The following FBXO4 variants were observed in gnomAD, a reference collection of about 807,000 sequenced individuals.
FBXO4 encodes the protein F-box only protein 4.
Under a neutral mutation model 43.7 loss-of-function variants are expected in FBXO4, and 36 were observed. That is an observed-to-expected ratio of 0.82 (90% confidence interval 0.63 to 1.09). The LOEUF (loss-of-function observed/expected upper bound fraction) is 1.09. Ranked by LOEUF, FBXO4 falls within the 50% of genes least tolerant of loss-of-function variation. The pLI is 0.00. For synonymous variants in FBXO4, 180 were observed against 165.6 expected, an observed-to-expected ratio of 1.09 and a Z score of -0.67; for missense variants, 435 against 474.1, an observed-to-expected ratio of 0.92 and a Z score of 0.77.
At chr5:41,976,474 T>C in the FBXO4 span, among the ~76,000 whole-genome samples, 1 of 152,128 alleles carries the variant, frequency 6.6e-6, no homozygotes, top group East Asian at 1.9e-4. Flanking sequence ...ACATTTCCAT[T>C]CCAAAAGGGA....
the FBXO4 span, among the ~76,000 whole-genome samples, chr5:41,990,689 G>A: frequency 6.6e-6 from 1 of 152,192 alleles, no homozygotes; most frequent in Admixed American, 6.5e-5. Context: ...TCTAAGTTGG[G>A]AAATAACATT....
At chr5:41,983,835 A>T in the FBXO4 span, among the ~76,000 whole-genome samples, 1 of 151,880 alleles carries the variant, frequency 6.6e-6, no homozygotes, top group African/African-American at 2.4e-5. Context: ...CTATTTTAAA[A>T]TTTTACTAGT....
chr5:41,954,220 A>C, the FBXO4 span, among the ~76,000 whole-genome samples: 2 of 152,182 alleles, frequency 1.3e-5, no homozygotes, highest in Non-Finnish European at 2.9e-5. Context: ...CATTTGAATA[A>C]AAAAATTTAA....
the FBXO4 span, among the ~76,000 whole-genome samples, chr5:41,954,907 T>C: frequency 6.6e-6 from 1 of 152,182 alleles, no homozygotes; most frequent in African/African-American, 2.4e-5. Context: ...TCTAGAGGAA[T>C]TCTAGAGAAA....
chr5:41,966,325 TA>T, the FBXO4 span, among the ~76,000 whole-genome samples: 8 of 151,758 alleles, frequency 5.3e-5, no homozygotes, highest in African/African-American at 1.5e-4. Flanking sequence ...TACTTATAAT[TA>T]AAAAAAAGAT....
the FBXO4 span, among the ~76,000 whole-genome samples, chr5:41,998,013 T>C: frequency 6.6e-6 from 1 of 152,204 alleles, no homozygotes; most frequent in Non-Finnish European, 1.5e-5. Context: ...TTCCTGCTTA[T>C]ACAACTTAGG....
At chr5:42,004,852 T>C in the FBXO4 span, among the ~76,000 whole-genome samples, 2 of 152,246 alleles carry the variant, frequency 1.3e-5, no homozygotes, top group East Asian at 3.9e-4. Flanking sequence ...CAATTCTTAG[T>C]GATGCTTTTG....
chr5:42,015,627 G>C, the FBXO4 span, among the ~76,000 whole-genome samples: 2 of 152,052 alleles, frequency 1.3e-5, no homozygotes, highest in Non-Finnish European at 2.9e-5. Flanking sequence ...ACAGTCAGAG[G>C]CTGAGAAGAA....
the FBXO4 span, among the ~76,000 whole-genome samples, chr5:42,016,553 C>CT: frequency 0.11 from 16,679 of 151,842 alleles, 1,450 homozygotes; most frequent in African/African-American, 0.24. Context: ...AAACAGATTT[C>CT]TTTTTTATAA....
chr5:42,014,241 A>T, the FBXO4 span, among the ~76,000 whole-genome samples: 1 of 152,194 alleles, frequency 6.6e-6, no homozygotes, highest in East Asian at 1.9e-4. Context: ...GCAGAAAATT[A>T]AACATCCGCT....
chr5:41,969,887 A>G, the FBXO4 span, among the ~76,000 whole-genome samples: 1 of 152,146 alleles, frequency 6.6e-6, no homozygotes, highest in Non-Finnish European at 1.5e-5. Flanking sequence ...AAAGGTGGGG[A>G]TAAGAGTGAA....
At chr5:41,930,578 T>C (rs925660547) in intron 3 of FBXO4, among the ~76,000 whole-genome samples, 1 of 152,096 alleles carries the variant, frequency 6.6e-6, no homozygotes, top group Non-Finnish European at 1.5e-5. Flanking sequence ...CTCATATGAG[T>C]CACTAGGGTG....
the FBXO4 span, among the ~76,000 whole-genome samples, chr5:41,975,235 CT>C: frequency 1.3e-5 from 2 of 152,362 alleles, no homozygotes; most frequent in South Asian, 4.1e-4. Context: ...CTGGCTTTGT[CT>C]GCCCCAGGGA....
At chr5:42,013,675 C>T in the FBXO4 span, among the ~76,000 whole-genome samples, 3 of 152,204 alleles carry the variant, frequency 2.0e-5, no homozygotes, top group African/African-American at 7.2e-5. Flanking sequence ...CGCTTAAGCG[C>T]TGCAGGGCAG....
the FBXO4 span, among the ~76,000 whole-genome samples, chr5:41,994,855 G>A: frequency 5.2e-3 from 794 of 152,112 alleles, 9 homozygotes; most frequent in African/African-American, 0.018. Flanking sequence ...GTGGGAACAG[G>A]AAGCAAAAAT....
the FBXO4 span, among the ~76,000 whole-genome samples, chr5:42,031,547 C>T: frequency 6.6e-6 from 1 of 151,632 alleles, no homozygotes; most frequent in Non-Finnish European, 1.5e-5. Context: ...CAACATGGCA[C>T]ATGTATACAT....
chr5:41,997,729 C>T, the FBXO4 span, among the ~76,000 whole-genome samples: 1 of 152,242 alleles, frequency 6.6e-6, no homozygotes, highest in East Asian at 1.9e-4. Flanking sequence ...AGCCAGTGTC[C>T]AGTACTCCCC....
the FBXO4 span, among the ~76,000 whole-genome samples, chr5:41,973,641 G>A: frequency 4.6e-5 from 7 of 152,258 alleles, no homozygotes; most frequent in South Asian, 4.1e-4. Context: ...TGTTCATGCC[G>A]CTGCACTCCA....
intron 2 of FBXO4, among the ~76,000 whole-genome samples, chr5:41,929,291 C>T (rs1312403811): frequency 1.3e-5 from 2 of 152,188 alleles, no homozygotes; most frequent in Admixed American, 6.5e-5. Flanking sequence ...CTTCTTCTCC[C>T]CTCCCCAGTT....
Sources: gnomAD v4.1 joint callset for allele counts (sites outside exome capture counted in the v4.1 genomes callset) on GRCh38, gnomAD v4.1.1 for gene constraint, MANE v1.5 for transcripts, NCBI Gene and HGNC (gene_info 2026-07-23, HGNC 2026-07-21) for gene names.